Variants in FHIT observed in about 807,000 individuals in gnomAD.
FHIT encodes the protein fragile histidine triad diadenosine triphosphatase.
In FHIT, 19 loss-of-function variants were observed where a neutral mutation model predicts 17.9. That is an observed-to-expected ratio of 1.06 (90% CI 0.74 to 1.56). The LOEUF (loss-of-function observed/expected upper bound fraction) is 1.56. FHIT is among the 40% of genes most tolerant of loss of function. FHIT has a pLI of 0.00. For missense variants in FHIT, 248 were observed against 189.2 expected (o/e 1.31, Z -1.82); for synonymous variants, 81 against 69.7 (o/e 1.16, Z -0.81).
chr3:59,954,596 G>C (rs1707301672), intron 7 of FHIT, among the ~76,000 whole-genome samples: 1 of 152,172 alleles, frequency 6.6e-6, no homozygotes, highest in African/African-American at 2.4e-5. Context: ...CCAGGTGGAG[G>C]AACAGCCTGA....
At chr3:61,219,824 C>A (rs2039788621) in intron 1 of FHIT, among the ~76,000 whole-genome samples, 1 of 152,156 alleles carries the variant, frequency 6.6e-6, no homozygotes, top group Non-Finnish European at 1.5e-5. Context: ...TCCATGGATC[C>A]AAACCCCAGC....
chr3:60,125,870 T>A (rs1705525065), intron 5 of FHIT, among the ~76,000 whole-genome samples: 1 of 152,132 alleles, frequency 6.6e-6, no homozygotes, highest in Non-Finnish European at 1.5e-5. Flanking sequence ...CAACTACCCA[T>A]GACACGTGTT....
chr3:61,221,811 A>G (rs1399178104), intron 1 of FHIT, among the ~76,000 whole-genome samples: 1 of 152,178 alleles, frequency 6.6e-6, no homozygotes, highest in Non-Finnish European at 1.5e-5. Context: ...ACAGTTGCCA[A>G]CTCTACCCAC....
At chr3:59,913,483 A>C (rs1052439274) in intron 8 of FHIT, among the ~76,000 whole-genome samples, 1 of 152,164 alleles carries the variant, frequency 6.6e-6, no homozygotes, top group East Asian at 1.9e-4. Context: ...ATTTAGTTTC[A>C]ATTCAATGGT....
intron 5 of FHIT, among the ~76,000 whole-genome samples, chr3:60,195,733 C>G (rs1206542107): frequency 6.6e-6 from 1 of 151,120 alleles, no homozygotes; most frequent in Non-Finnish European, 1.5e-5. Context: ...CAGCAACTTT[C>G]ATGGAACTGG....
chr3:59,789,749 C>T (rs1699471359), intron 8 of FHIT, among the ~76,000 whole-genome samples: 1 of 152,126 alleles, frequency 6.6e-6, no homozygotes, highest in South Asian at 2.1e-4. Flanking sequence ...GTTTTCAGGG[C>T]CCCTAACTCA....
chr3:59,845,673 G>A (rs2106768606), intron 8 of FHIT, among the ~76,000 whole-genome samples: 1 of 152,144 alleles, frequency 6.6e-6, no homozygotes, highest in Non-Finnish European at 1.5e-5. Context: ...AAAATTTACT[G>A]AGACTTCATT....
chr3:61,128,579 A>T (rs2036676547), intron 2 of FHIT, among the ~76,000 whole-genome samples: 1 of 152,122 alleles, frequency 6.6e-6, no homozygotes, highest in South Asian at 2.1e-4. Flanking sequence ...GGCCCGTCCT[A>T]GTTTGGTGTT....
chr3:60,650,196 T>C (rs1029575386), intron 4 of FHIT, among the ~76,000 whole-genome samples: 3 of 152,194 alleles, frequency 2.0e-5, no homozygotes, highest in Non-Finnish European at 1.5e-5. Context: ...AAAAAACCCA[T>C]GTTCTCTGCT....
intron 5 of FHIT, among the ~76,000 whole-genome samples, chr3:60,474,098 T>C (rs561103683): frequency 6.6e-6 from 1 of 152,118 alleles, no homozygotes; most frequent in South Asian, 2.1e-4. Flanking sequence ...AGTGACACAA[T>C]CAGGACAGGG....
At chr3:60,402,670 A>G (rs1701708963) in intron 5 of FHIT, among the ~76,000 whole-genome samples, 1 of 152,224 alleles carries the variant, frequency 6.6e-6, no homozygotes, top group African/African-American at 2.4e-5. Flanking sequence ...AGCCTGGTTT[A>G]GAAATACAAT....
chr3:59,906,483 C>A (rs897843959), intron 8 of FHIT, among the ~76,000 whole-genome samples: 1 of 152,126 alleles, frequency 6.6e-6, no homozygotes, highest in South Asian at 2.1e-4. Context: ...AGCATGTAGA[C>A]CCCTAAAAAT....
chr3:61,004,725 GAAGGCAAAAA>G (rs2031326792), intron 3 of FHIT, among the ~76,000 whole-genome samples: 1 of 151,980 alleles, frequency 6.6e-6, no homozygotes. Context: ...CCATTGGCCA[GAAGGCAAAAA>G]AACCCACTGA....
intron 5 of FHIT, among the ~76,000 whole-genome samples, chr3:60,517,486 C>G (rs183802769): frequency 4.6e-5 from 7 of 152,266 alleles, no homozygotes; most frequent in Admixed American, 1.3e-4. Context: ...AAACTACAGG[C>G]GGCTGACCCA....
chr3:60,159,694 A>G (rs528972091), intron 5 of FHIT, among the ~76,000 whole-genome samples: 1 of 152,284 alleles, frequency 6.6e-6, no homozygotes, highest in East Asian at 1.9e-4. Context: ...ATCCATCCAA[A>G]AAATCTACAT....
intron 4 of FHIT, among the ~76,000 whole-genome samples, chr3:60,814,879 T>TGTG: frequency 6.6e-6 from 1 of 151,846 alleles, no homozygotes; most frequent in African/African-American, 2.4e-5. Context: ...TGGTTTTTTT[T>TGTG]TGTTTGTTTA....
At chr3:60,210,637 A>C (rs569044444) in intron 5 of FHIT, among the ~76,000 whole-genome samples, 1 of 152,196 alleles carries the variant, frequency 6.6e-6, no homozygotes. Flanking sequence ...GGCCTTAAAC[A>C]TAAGAAAATA....
intron 4 of FHIT, among the ~76,000 whole-genome samples, chr3:60,646,551 T>C (rs998872407): frequency 1.3e-5 from 2 of 152,176 alleles, no homozygotes; most frequent in Admixed American, 6.5e-5. Context: ...AGATCAAAAG[T>C]GACTGGATTC....
chr3:60,382,103 T>C (rs960430175), intron 5 of FHIT, among the ~76,000 whole-genome samples: 8 of 152,226 alleles, frequency 5.3e-5, no homozygotes, highest in African/African-American at 1.9e-4. Context: ...TTTTCTAACT[T>C]ACCACCTTGA....
Sources: allele counts gnomAD v4.1 joint callset (sites outside exome capture counted in the v4.1 genomes callset), GRCh38; gene constraint gnomAD v4.1.1; transcripts MANE v1.5; gene names NCBI Gene and HGNC (gene_info 2026-07-23, HGNC 2026-07-21).